Variants in CDHR1 observed in about 807,000 individuals in gnomAD.
The protein encoded by CDHR1 is cadherin-related family member 1.
In CDHR1, 61 loss-of-function variants were observed where a neutral mutation model predicts 72.1. The observed-to-expected ratio is 0.85, with a 90% CI of 0.69 to 1.05. CDHR1 has a LOEUF of 1.05. Among genes scored for constraint, CDHR1 ranks in the 50% least tolerant of loss-of-function variants. CDHR1 has a pLI of 0.00. For synonymous variants in CDHR1, 470 were observed against 448.1 expected (o/e 1.05, Z -0.62); for missense variants, 1,186 against 1,115.7 (o/e 1.06, Z -0.90).
In CDHR1 at chr10:84,201,887, G is replaced by T. The variant is rs376739586; in HGVS notation, c.606G>T (p.Arg202Ser). 3 of 1,607,984 alleles carry T rather than the reference G, an allele frequency of 1.9e-6. No homozygotes were observed. The highest frequency in any genetic ancestry group is 8.5e-7 in the Non-Finnish European group (1 of 1,179,966). The change falls in exon 7 of 17, where the codon AGG (arginine) becomes AGT (serine). Residue 202 changes from arginine to serine, a missense_variant. Transcript: ENST00000623527. Reference sequence around the variant, plus strand: ...CTGGGGCCACTCTGGACTACGAGAGGTCCCGGACCCACTACATCACCGTGG... The same window carrying T: ...CTGGGGCCACTCTGGACTACGAGAGTTCCCGGACCCACTACATCACCGTGG... ...LQAGATLDYERSRTHYITVVA... is the reference protein window; with the variant it reads ...LQAGATLDYESSRTHYITVVA...
downstream of CDHR1, chr10:84,218,948 G>C (rs1842467682): frequency 1.8e-6 from 1 of 555,632 alleles, no homozygotes. Flanking sequence ...GCCAGGTATT[G>C]TTCTGAGAAC....
At chr10:84,200,292 C>G (rs910954251) in intron 5 of CDHR1, among the ~76,000 whole-genome samples, 1 of 152,350 alleles carries the variant, frequency 6.6e-6, no homozygotes, top group South Asian at 2.1e-4. Context: ...CCATCTCCTC[C>G]TTTTTGAATT....
In CDHR1 at chr10:84,215,236, G is replaced by A. The variant is rs1277278553; in HGVS notation, c.*615G>A. ...TTGGAAAGATAGAGCATTCTGTCTG[G>A]GCAGAGACTGTGGACCCTGGTATGC... On this transcript the variant is annotated 3_prime_UTR_variant, in exon 17 of 17. Transcript: ENST00000623527. The A allele has an allele frequency of 7.1e-5, 70 of 992,628 alleles. No homozygotes were observed. The highest frequency in any genetic ancestry group is 7.8e-5 in the Non-Finnish European group (65 of 834,262). The allele number at this position is 992,628 out of a possible 1,614,324, so 61.5% of individuals were successfully genotyped here.
In CDHR1 at chr10:84,218,468, G is replaced by A. The variant is rs2132846295; in HGVS notation, c.*3847G>A. ...AGTTTGGAGTATATCTTCTGTGCCA[G>A]GCTCTCTTCTAGGTGTTAGGTGTAT... is the stretch of plus-strand genomic sequence containing the variant. On this transcript the variant is annotated 3_prime_UTR_variant, in exon 17 of 17. Transcript: ENST00000623527. The A allele has an allele frequency of 1.0e-6, 1 of 985,386 alleles. No individual in the cohort carries two copies. Among genetic ancestry groups the A allele is most frequent in the Non-Finnish European group, 1.2e-6 (1 of 829,936 alleles). 61.0% of individuals were successfully genotyped at this position (985,386 alleles called of 1,614,324 possible).
At chr10:84,209,642 A>C (rs775662558) in intron 12 of CDHR1, among the ~76,000 whole-genome samples, 5,441 of 68,302 alleles carry the variant, frequency 0.08, 151 homozygotes, top group East Asian at 0.17. Context: ...GAAAAGACAA[A>C]AAAAAAAAAA....
chr10:84,203,979 A>AG (rs574471080), intron 8 of CDHR1, among the ~76,000 whole-genome samples: 185 of 152,240 alleles, frequency 1.2e-3, no homozygotes, highest in African/African-American at 4.2e-3. Flanking sequence ...AGGCTTGTGT[A>AG]GGGGGGCTTA....
chr10:84,211,650 T>C lies in CDHR1; in HGVS notation c.1488T>C (p.Ala496=), dbSNP rs1338192637. The stretch of plus-strand genomic sequence containing the variant: ...ACCCAGGGCTCTTTCTCTTCCAGGC[T>C]GTGGATCCAGATACAGGACCCTGGG... The part of the protein sequence containing the change: ...PGGSSVVAVT[A]VDPDTGPWGE... Residue 496 remains alanine (A), a splice_region_variant and synonymous_variant, in exon 14 of 17, where the codon GCT becomes GCC. Coordinates refer to ENST00000623527, the MANE Select transcript of CDHR1 (RefSeq NM_033100.4). The C allele has an allele frequency of 6.2e-7, 1 of 1,614,088 alleles. No individual in the cohort carries two copies. Among genetic ancestry groups the C allele is most frequent in the East Asian group, 2.2e-5 (1 of 44,878 alleles).
rs1275670328 is a variant in CDHR1 at position 84,208,816 on chromosome 10, G to A, written c.1255G>A (p.Val419Ile). Residue 419 changes from valine to isoleucine, a missense_variant, in exon 12 of 17, where the codon GTC becomes ATC. By Grantham distance (29) the Val-to-Ile change is conservative. Transcript: ENST00000623527. ...ACAGACAGTCCTGAATGAAGCCCAA[G>A]TCACAATCATTGTGGAGAACTCAGC... ...VPQTVLNEAQ[V>I]TIIVENSAAI... The A allele has an allele frequency of 6.2e-7, 1 of 1,614,102 alleles. No homozygotes were observed. The highest frequency in any genetic ancestry group is 1.3e-5 in the African/African-American group (1 of 74,926).
intron 14 of CDHR1, 34 bp from the exon 15 acceptor site, chr10:84,212,145 G>A (rs368995449): frequency 2.2e-5 from 34 of 1,548,122 alleles, no homozygotes; most frequent in South Asian, 8.9e-5. Flanking sequence ...GTGTATATGC[G>A]TGCACACCCA....
At position 84,211,664 on chromosome 10, in the gene CDHR1, C is replaced by T. The variant is rs1198236786; in HGVS notation, c.1502C>T (p.Thr501Ile). The change falls in exon 14 of 17, where the codon ACA becomes ATA. Residue 501 changes from threonine (T) to isoleucine (I), a missense_variant. Transcript: ENST00000623527. ...VVAVTAVDPD[T>I]GPWGEVKYST... Reference sequence around the variant, plus strand: ...CTCTTCCAGGCTGTGGATCCAGATACAGGACCCTGGGGCGAAGTGAAATAT... The same window carrying T: ...CTCTTCCAGGCTGTGGATCCAGATATAGGACCCTGGGGCGAAGTGAAATAT... 1 of 1,614,170 alleles carries T rather than the reference C, an allele frequency of 6.2e-7. No individual in the cohort carries two copies. Among genetic ancestry groups the T allele is most frequent in the Admixed American group, 1.7e-5 (1 of 60,020 alleles).
In CDHR1 at chr10:84,216,576, G is replaced by A. The variant is rs751117353; in HGVS notation, c.*1955G>A. 7.1e-6 allele frequency: 7 copies of A among 985,500 alleles called. No individual in the cohort carries two copies. The highest frequency in any genetic ancestry group is 8.4e-6 in the Non-Finnish European group (7 of 829,950). 61.0% of individuals were successfully genotyped at this position (985,500 alleles called of 1,614,324 possible). A position where few individuals can be genotyped will look rare whatever the true frequency, so the allele number is the denominator to read the frequency against. On this transcript the variant is annotated 3_prime_UTR_variant, in exon 17 of 17. Coordinates refer to ENST00000623527, the MANE Select transcript of CDHR1 (RefSeq NM_033100.4). ...TCATTTATGTTTGCTGACCTGTGGA[G>A]ACCAGTCTTTCTGACACACAGTGAA...
rs143621397 is a variant in CDHR1 at position 84,208,324 on chromosome 10, C to A, written c.1114C>A (p.Pro372Thr). Residue 372 changes from proline to threonine, a missense_variant, in exon 11 of 17, where the codon CCC (proline) becomes ACC (threonine). Pro to Thr is a conservative substitution (Grantham distance 38). Coordinates refer to ENST00000623527, the MANE Select transcript of CDHR1 (RefSeq NM_033100.4). ...RFELSMNEHP[P>T]QGEILRGLKI... is the part of the protein sequence containing the mutation. ...TGAGCTGTCCATGAATGAGCACCCACCCCAGGGAGAGATCCTGCGGGGCCT... is the reference window on the plus strand; with the variant it reads ...TGAGCTGTCCATGAATGAGCACCCAACCCAGGGAGAGATCCTGCGGGGCCT... 5.6e-6 allele frequency: 9 copies of A among 1,614,138 alleles called. No homozygotes were observed. Among genetic ancestry groups the A allele is most frequent in the Non-Finnish European group, 7.6e-6 (9 of 1,180,040 alleles).
intron 9 of CDHR1, 93 bp from the exon 10 acceptor site, chr10:84,205,734 T>C (rs1398841380): frequency 1.2e-6 from 1 of 810,716 alleles, no homozygotes; most frequent in Non-Finnish European, 2.1e-6. Context: ...CTATGAAGAC[T>C]TCCCTAGGCA....
In CDHR1 at chr10:84,216,802, G is replaced by A; in HGVS notation, c.*2181G>A. ...GGCTGCATGGAGAGGAATGGAACCT[G>A]GAGCTAGAATTAATTGCCCACTCTC... On this transcript the variant is annotated 3_prime_UTR_variant, in exon 17 of 17. Coordinates refer to ENST00000623527, the MANE Select transcript of CDHR1 (RefSeq NM_033100.4). 1 of 985,518 alleles carries A rather than the reference G, an allele frequency of 1.0e-6. No homozygotes were observed. Among genetic ancestry groups the A allele is most frequent in the Non-Finnish European group, 1.2e-6 (1 of 829,970 alleles). 61.0% of individuals were successfully genotyped at this position (985,518 alleles called of 1,614,324 possible).
intron 9 of CDHR1, among the ~76,000 whole-genome samples, chr10:84,204,943 T>G (rs1842198150): frequency 1.3e-5 from 2 of 152,228 alleles, no homozygotes; most frequent in Admixed American, 1.3e-4. Flanking sequence ...TTTTCCTCAT[T>G]CTTTTTAATT....
chr10:84,199,190 T>C lies in CDHR1; in HGVS notation c.438+69T>C. ...CCATAGCCTACCCCTGGGGCTGCCC[T>C]GTGGCCTGGCCATGGCTCACTGCCC... On this transcript the variant is annotated intron_variant, in intron 5 of 16. Transcript: ENST00000623527. 5 of 1,326,142 alleles carry C rather than the reference T, an allele frequency of 3.8e-6. No individual in the cohort carries two copies. In the South Asian group the frequency reaches 6.3e-5, roughly 17 times the overall value. 82.1% of individuals were successfully genotyped at this position (1,326,142 alleles called of 1,614,324 possible). A position where few individuals can be genotyped will look rare whatever the true frequency, so the allele number is the denominator to read the frequency against.
rs538129787 is a variant in CDHR1, at chr10:84,213,847, G to A, written c.2041-235G>A. Among the ~76,000 whole-genome samples the A allele has an allele frequency of 2.0e-5, 3 of 152,198 alleles. No homozygotes were observed. In the South Asian group the frequency reaches 6.2e-4, roughly 32 times the overall value. ...CGTTCTGTCTGAGCATATTGTACCA[G>A]AGAGTGGTCTGCACCATGCTGGGTC... On this transcript the variant is annotated intron_variant, in intron 16 of 16. Transcript: ENST00000623527.
Position 84,216,687 on chromosome 10 carries a change from T to C in CDHR1, c.*2066T>C. On this transcript the variant is annotated 3_prime_UTR_variant, in exon 17 of 17. Coordinates refer to ENST00000623527, the MANE Select transcript of CDHR1 (RefSeq NM_033100.4). ...CTCTAAAGAAGGCTGAAAATTTTTG[T>C]CCAAATTGCCATGCAGATATCTTGA... The C allele has an allele frequency of 1.0e-6, 1 of 985,488 alleles. No homozygotes were observed. Among genetic ancestry groups the C allele is most frequent in the Non-Finnish European group, 1.2e-6 (1 of 829,942 alleles). The allele number at this position is 985,488 out of a possible 1,614,324, so 61.0% of individuals were successfully genotyped here. A position where few individuals can be genotyped will look rare whatever the true frequency, so the allele number is the denominator to read the frequency against.
At chr10:84,196,764 G>A in intron 3 of CDHR1, 114 bp downstream of exon 3, 2 of 1,230,630 alleles carry the variant, frequency 1.6e-6, no homozygotes, top group Non-Finnish European at 2.4e-6. Flanking sequence ...AGGGGATGAG[G>A]GGGCACACCC....
Sources: allele counts gnomAD v4.1 joint callset (sites outside exome capture counted in the v4.1 genomes callset), GRCh38; gene constraint gnomAD v4.1.1; transcripts MANE v1.5; gene names NCBI Gene and HGNC (gene_info 2026-07-23, HGNC 2026-07-21).